The following LMX1B variants were observed in gnomAD, a reference collection of about 807,000 sequenced individuals.
LMX1B encodes the protein LIM homeobox transcription factor 1 beta.
In LMX1B, 12 loss-of-function variants were observed where a neutral mutation model predicts 51.4. That is an observed-to-expected ratio of 0.23 (90% CI 0.15 to 0.38). The LOEUF is 0.38. Among genes scored for constraint, LMX1B ranks in the 10% least tolerant of loss-of-function variants. The pLI is 1.00. For missense variants in LMX1B, 445 were observed against 571.1 expected (o/e 0.78, Z 2.25); for synonymous variants, 237 against 235.4 (o/e 1.01, Z -0.06).
At chr9:126,650,904 C>A (rs1331038487) in intron 2 of LMX1B, among the ~76,000 whole-genome samples, 3 of 152,210 alleles carry the variant, frequency 2.0e-5, no homozygotes, top group African/African-American at 7.2e-5. Context: ...GCTTTTATGG[C>A]CCCTCCTCCC....
At chr9:126,681,241 C>G (rs1836664776) in intron 2 of LMX1B, among the ~76,000 whole-genome samples, 1 of 152,178 alleles carries the variant, frequency 6.6e-6, no homozygotes, top group Admixed American at 6.5e-5. Context: ...GTCTGTGCCT[C>G]TCCCTGAACT....
intron 2 of LMX1B, among the ~76,000 whole-genome samples, chr9:126,688,489 C>A (rs1018059357): frequency 1.3e-5 from 2 of 152,236 alleles, no homozygotes; most frequent in Non-Finnish European, 2.9e-5. Context: ...AGTGTGGCCA[C>A]TAGGTCAGGT....
At chr9:126,639,847 G>A (rs1835776398) in intron 2 of LMX1B, among the ~76,000 whole-genome samples, 1 of 152,206 alleles carries the variant, frequency 6.6e-6, no homozygotes. Context: ...CATATGTGGG[G>A]CTGTGATGAT....
At chr9:126,674,651 C>T (rs1293293668) in intron 2 of LMX1B, among the ~76,000 whole-genome samples, 1 of 152,194 alleles carries the variant, frequency 6.6e-6, no homozygotes, top group African/African-American at 2.4e-5. Context: ...GCAGGGCTCC[C>T]CCATCCACGT....
In LMX1B at chr9:126,696,782, T is replaced by C. The variant is rs1354814198; in HGVS notation, c.*331T>C. 1 of 417,954 alleles carries C rather than the reference T, an allele frequency of 2.4e-6. No homozygotes were observed. Among genetic ancestry groups the C allele is most frequent in the Non-Finnish European group, 4.4e-6 (1 of 225,752 alleles). The allele number at this position is 417,954 out of a possible 1,614,324, so 25.9% of individuals were successfully genotyped here. A position where few individuals can be genotyped will look rare whatever the true frequency, so the allele number is the denominator to read the frequency against. ...TTTTTTGGGAAGCTTAAATTCTCTC[T>C]ATTTTTTTAAATGTCCTCTCTGTGT... On this transcript the variant is annotated 3_prime_UTR_variant, in exon 8 of 8. Transcript: ENST00000373474.
rs552802584 is a variant in LMX1B, at chr9:126,683,296, G to A, written c.327-7540G>A. On this transcript the variant is annotated intron_variant, in intron 2 of 7. Coordinates refer to ENST00000373474, the MANE Select transcript of LMX1B (RefSeq NM_001174147.2). ...ACCGGGGCCCCCGCCCGCGGCTCCC[G>A]CCGCCGCCCGCCCGGCCCGCGGCCG... is the stretch of plus-strand genomic sequence containing the variant. Among the ~76,000 whole-genome samples, 289 of 151,652 alleles carry A rather than the reference G, an allele frequency of 1.9e-3. 1 individual carries two copies. The highest frequency in any genetic ancestry group is 4.2e-3 in the African/African-American group (175 of 41,480).
chr9:126,643,101 A>G (rs2118885241), intron 2 of LMX1B, among the ~76,000 whole-genome samples: 1 of 152,282 alleles, frequency 6.6e-6, no homozygotes, highest in Admixed American at 6.5e-5. Context: ...GGGGCCTGAT[A>G]AGATCTTCAC....
At chr9:126,653,421 G>GT (rs1293954140) in intron 2 of LMX1B, among the ~76,000 whole-genome samples, 9 of 152,112 alleles carry the variant, frequency 5.9e-5, no homozygotes, top group African/African-American at 2.2e-4. Context: ...CTCCCGAAGT[G>GT]TTGGGATTAC....
rs1245852992 is a variant in LMX1B at position 126,671,664 on chromosome 9, G to T, written c.327-19172G>T. Among the ~76,000 whole-genome samples, 2 of 152,318 alleles carry T rather than the reference G, an allele frequency of 1.3e-5. No homozygotes were observed. The highest frequency in any genetic ancestry group is 3.9e-4 in the East Asian group (2 of 5,180). On this transcript the variant is annotated intron_variant, in intron 2 of 7. Coordinates refer to ENST00000373474, the MANE Select transcript of LMX1B (RefSeq NM_001174147.2). The surrounding 1 kb of genome is among the most constrained non-coding windows in gnomAD (Gnocchi z 4.4). ...AAGATAGGCGCACCCCGGGATGAGA[G>T]GTCAGCGGGCCTGCCCTGTGCCGAG...
chr9:126,631,581 T>G (rs1336389734), intron 2 of LMX1B, among the ~76,000 whole-genome samples: 2 of 148,582 alleles, frequency 1.3e-5, no homozygotes, highest in Admixed American at 1.3e-4. Context: ...TGGGGTGAGG[T>G]GGGGATAGGG....
intron 2 of LMX1B, among the ~76,000 whole-genome samples, chr9:126,664,881 T>C (rs1836314181): frequency 6.6e-6 from 1 of 152,116 alleles, no homozygotes; most frequent in Admixed American, 6.5e-5. Flanking sequence ...TGGAAAAAAA[T>C]AAATAAATGC....
intron 2 of LMX1B, among the ~76,000 whole-genome samples, chr9:126,636,005 C>G (rs764980490): frequency 2.1e-4 from 32 of 152,274 alleles, no homozygotes; most frequent in South Asian, 8.3e-4. Flanking sequence ...GCAGCCACTT[C>G]CTGCTAGAAG....
intron 2 of LMX1B, among the ~76,000 whole-genome samples, chr9:126,630,277 G>A (rs1835609859): frequency 6.6e-6 from 1 of 151,968 alleles, no homozygotes; most frequent in Non-Finnish European, 1.5e-5. Flanking sequence ...GGGCTATGCA[G>A]CACAGAGTCA....
rs1002033502 is a variant in LMX1B, at chr9:126,693,307, C to T, written c.725C>T (p.Ser242Leu). The change falls in exon 4 of 8, where the codon TCG becomes TTG. Residue 242 changes from serine (S) to leucine (L), a missense_variant. Physicochemically the swap from Ser to Leu is moderately radical, Grantham distance 145. Coordinates refer to ENST00000373474, the MANE Select transcript of LMX1B (RefSeq NM_001174147.2). Reference protein sequence around the residue: ...RAFKASFEVSSKPCRKVRETL... With the variant: ...RAFKASFEVSLKPCRKVRETL... ...TTCAAGGCCTCCTTCGAGGTCTCGTCGAAGCCTTGCCGAAAGGTGAGGGGC... is the reference window on the plus strand; with the variant it reads ...TTCAAGGCCTCCTTCGAGGTCTCGTTGAAGCCTTGCCGAAAGGTGAGGGGC... The T allele has an allele frequency of 1.9e-6, 3 of 1,603,924 alleles. No individual in the cohort carries two copies. Among genetic ancestry groups the T allele is most frequent in the Non-Finnish European group, 2.6e-6 (3 of 1,175,960 alleles).
At chr9:126,666,772 G>A (rs2065696736) in intron 2 of LMX1B, among the ~76,000 whole-genome samples, 1 of 152,164 alleles carries the variant, frequency 6.6e-6, no homozygotes, top group South Asian at 2.1e-4. Flanking sequence ...AAAGAGACAG[G>A]AGACAGCAGA....
chr9:126,691,680 C>T (rs572409702), intron 3 of LMX1B, among the ~76,000 whole-genome samples: 115 of 152,302 alleles, frequency 7.6e-4, no homozygotes, highest in Non-Finnish European at 1.5e-3. Flanking sequence ...GGGTCTTCAC[C>T]AGCACCCAGT....
intron 2 of LMX1B, among the ~76,000 whole-genome samples, chr9:126,672,014 C>CCTGGGGCAGGGCTG (rs1253669439): frequency 6.6e-6 from 1 of 152,254 alleles, no homozygotes; most frequent in Non-Finnish European, 1.5e-5. Context: ...ATGGGACCTG[C>CCTGGGGCAGGGCTG]CTGGGGCAGG....
intron 6 of LMX1B, among the ~76,000 whole-genome samples, chr9:126,694,248 G>A (rs2030249682): frequency 6.8e-6 from 1 of 146,938 alleles, no homozygotes; most frequent in South Asian, 2.2e-4. Flanking sequence ...ATCACTGCAA[G>A]GGGGGGTATT....
intron 2 of LMX1B, among the ~76,000 whole-genome samples, chr9:126,683,673 A>G (rs1211204952): frequency 6.6e-6 from 1 of 152,206 alleles, no homozygotes; most frequent in Non-Finnish European, 1.5e-5. Context: ...ACAGCCTGCC[A>G]TCCTGGGCAC....
Sources: allele counts gnomAD v4.1 joint callset (sites outside exome capture counted in the v4.1 genomes callset), GRCh38; gene constraint gnomAD v4.1.1; non-coding constraint Gnocchi (gnomAD v3.1); transcripts MANE v1.5; gene names NCBI Gene and HGNC (gene_info 2026-07-23, HGNC 2026-07-21).